KCNH1: variants seen among roughly 807,000 people sequenced by gnomAD.
KCNH1 encodes the protein voltage-gated delayed rectifier potassium channel KCNH1.
In KCNH1, 27 loss-of-function variants were observed where a neutral mutation model predicts 69.2. That is an observed-to-expected ratio of 0.39 (90% confidence interval 0.29 to 0.54). The LOEUF (loss-of-function observed/expected upper bound fraction) is 0.54. Among genes scored for constraint, KCNH1 ranks in the 20% least tolerant of loss-of-function variants. The pLI, the probability that KCNH1 is intolerant of heterozygous loss-of-function variation, is 0.68. For synonymous variants in KCNH1, 456 were observed against 487.7 expected (o/e 0.93, Z 0.86); for missense variants, 798 against 1,261.6 (o/e 0.63, Z 5.57).
At chr1:210,969,215 A>C (rs939134704) in intron 6 of KCNH1, among the ~76,000 whole-genome samples, 2 of 151,972 alleles carry the variant, frequency 1.3e-5, no homozygotes, top group African/African-American at 4.8e-5. Context: ...AGTGAGGTTA[A>C]CCTATAATTT....
chr1:210,937,609 T>C (rs1044304923), intron 6 of KCNH1, among the ~76,000 whole-genome samples: 1 of 152,198 alleles, frequency 6.6e-6, no homozygotes, highest in Admixed American at 6.5e-5. Context: ...CAGCTGTGTA[T>C]GTTACAGGTC....
intron 6 of KCNH1, among the ~76,000 whole-genome samples, chr1:210,978,822 C>T (rs1688661028): frequency 6.6e-6 from 1 of 152,200 alleles, no homozygotes. Flanking sequence ...TCATCCTCTA[C>T]CAGTGAACCT....
intron 7 of KCNH1, among the ~76,000 whole-genome samples, 200 bp from the exon 8 acceptor site, chr1:210,804,366 A>T (rs1424355971): frequency 6.6e-6 from 1 of 152,120 alleles, no homozygotes; most frequent in Non-Finnish European, 1.5e-5. Context: ...GCCTCTTACC[A>T]CCAAGCTACT....
In KCNH1 at chr1:210,837,796, C is replaced by T. The variant is rs539406277; in HGVS notation, c.1463-33630G>A. ...ATGAAAATGGGGATAATAACAGTAC[C>T]TATCTGATAGAGTTATTTAGAGGGT... On this transcript the variant is annotated intron_variant, in intron 7 of 10. Coordinates refer to ENST00000271751, the MANE Select transcript of KCNH1 (RefSeq NM_172362.3). Among the ~76,000 whole-genome samples the T allele has an allele frequency of 3.9e-5, 6 of 152,250 alleles. No individual in the cohort carries two copies. The East Asian group carries it at 1.2e-3, about 29-fold the overall frequency.
chr1:210,970,927 A>C (rs1207021147), intron 6 of KCNH1, among the ~76,000 whole-genome samples: 1 of 152,208 alleles, frequency 6.6e-6, no homozygotes, highest in Non-Finnish European at 1.5e-5. Flanking sequence ...CAAGGAACTT[A>C]AATTTACAAA....
intron 5 of KCNH1, among the ~76,000 whole-genome samples, chr1:211,050,122 A>G (rs977091833): frequency 6.6e-6 from 1 of 152,078 alleles, no homozygotes. Flanking sequence ...CCTCTAAACC[A>G]TTACTCTAGG....
chr1:210,774,085 G>C (rs1558463941), intron 10 of KCNH1, among the ~76,000 whole-genome samples: 1 of 152,126 alleles, frequency 6.6e-6, no homozygotes, highest in Non-Finnish European at 1.5e-5. Flanking sequence ...GGGGATAAGT[G>C]GTTGAGTTCG....
At chr1:211,111,609 T>A (rs1571655469) in intron 1 of KCNH1, among the ~76,000 whole-genome samples, 1 of 102,026 alleles carries the variant, frequency 9.8e-6, no homozygotes, top group African/African-American at 3.8e-5. Flanking sequence ...TCTGGGAAGT[T>A]GGAGCGCCTC....
At chr1:211,066,395 G>A (rs528276517) in intron 5 of KCNH1, among the ~76,000 whole-genome samples, 9 of 152,184 alleles carry the variant, frequency 5.9e-5, no homozygotes, top group African/African-American at 2.2e-4. Context: ...TCTTGGGAAT[G>A]GAACCCAAGT....
At chr1:210,685,425 C>T (rs537156926) in intron 10 of KCNH1, among the ~76,000 whole-genome samples, 6 of 152,166 alleles carry the variant, frequency 3.9e-5, no homozygotes, top group Non-Finnish European at 5.9e-5. Flanking sequence ...CCACCCAAAA[C>T]CTGTCCCAGG....
chr1:211,047,051 A>G lies in KCNH1; in HGVS notation c.559-27795T>C, dbSNP rs78647279. Among the ~76,000 whole-genome samples the G allele has an allele frequency of 2.4e-3, 360 of 152,346 alleles. 8 individuals are homozygous for G. The East Asian group carries it at 0.063, about 27-fold the overall frequency. On this transcript the variant is annotated intron_variant, in intron 5 of 10. Transcript: ENST00000271751. ...TATCTAAAATATCATTTCAACAGGT[A>G]ATCAATATGTAAAATCACTTGTGAG...
At chr1:210,958,558 G>C (rs1330995245) in intron 6 of KCNH1, among the ~76,000 whole-genome samples, 2 of 152,156 alleles carry the variant, frequency 1.3e-5, no homozygotes, top group East Asian at 3.8e-4. Context: ...ATCAAACGTA[G>C]ATTTGGTCTT....
intron 9 of KCNH1, among the ~76,000 whole-genome samples, chr1:210,776,563 G>A (rs1683864836): frequency 6.6e-6 from 1 of 152,112 alleles, no homozygotes; most frequent in Admixed American, 6.6e-5. Context: ...GAGCTCTCCT[G>A]TGCTCTTTCT....
chr1:210,690,303 G>A (rs1487074438), intron 10 of KCNH1, among the ~76,000 whole-genome samples: 1 of 152,206 alleles, frequency 6.6e-6, no homozygotes, highest in Non-Finnish European at 1.5e-5. Flanking sequence ...AGAGCACTCA[G>A]CAGGGTGCAC....
intron 3 of KCNH1, among the ~76,000 whole-genome samples, chr1:211,095,930 C>T (rs796670998): frequency 4.6e-5 from 7 of 152,274 alleles, no homozygotes; most frequent in African/African-American, 1.7e-4. Context: ...GCCTTGGCCG[C>T]ATCAGTTTAA....
intron 10 of KCNH1, among the ~76,000 whole-genome samples, chr1:210,754,454 C>T (rs1034155325): frequency 5.9e-5 from 9 of 152,086 alleles, no homozygotes; most frequent in Admixed American, 2.0e-4. Context: ...TTTTTCCCTG[C>T]CCAAATTTCA....
chr1:210,749,404 C>T lies in KCNH1; in HGVS notation c.2112+25944G>A, dbSNP rs1683233498. ...ACCTTGTATGGGGGAAACCTAACAG[C>T]AAAGAACAGACAGCATGAGCAATAC... is the stretch of plus-strand genomic sequence containing the variant. On this transcript the variant is annotated intron_variant, in intron 10 of 10. Coordinates refer to ENST00000271751, the MANE Select transcript of KCNH1 (RefSeq NM_172362.3). 2.6e-5 allele frequency among the ~76,000 whole-genome samples: 4 copies of T among 152,242 alleles called. No homozygotes were observed. The South Asian group carries it at 8.3e-4, about 32-fold the overall frequency.
chr1:210,986,571 T>G (rs1213295241), intron 6 of KCNH1, among the ~76,000 whole-genome samples: 22 of 151,988 alleles, frequency 1.4e-4, no homozygotes, highest in Admixed American at 4.6e-4. Flanking sequence ...ATGAAATTCT[T>G]GGTTGAAAAT....
intron 4 of KCNH1, among the ~76,000 whole-genome samples, chr1:211,086,747 G>A (rs1020928164): frequency 1.3e-5 from 2 of 152,118 alleles, no homozygotes; most frequent in Non-Finnish European, 2.9e-5. Context: ...ATGGTGTTGG[G>A]ATGAGTTAGA....
Sources: gnomAD v4.1 joint callset for allele counts (sites outside exome capture counted in the v4.1 genomes callset) on GRCh38, gnomAD v4.1.1 for gene constraint, MANE v1.5 for transcripts, NCBI Gene and HGNC (gene_info 2026-07-23, HGNC 2026-07-21) for gene names.